ATM: variants seen among roughly 807,000 people sequenced by gnomAD.
The protein encoded by ATM is ATM serine/threonine kinase.
Under a neutral mutation model 387.0 loss-of-function variants are expected in ATM, and 308 were observed. That is an observed-to-expected ratio of 0.80 (90% CI 0.73 to 0.87). The LOEUF (loss-of-function observed/expected upper bound fraction) is 0.87. Ranked by LOEUF, ATM falls within the 40% of genes least tolerant of loss-of-function variation. The pLI is 0.00. For missense variants in ATM, 3,312 were observed against 3,560.9 expected (o/e 0.93, Z 1.78); for synonymous variants, 1,156 against 1,187.3 (o/e 0.97, Z 0.54).
chr11:108,291,071 T>C (rs1406316095), intron 29 of ATM, among the ~76,000 whole-genome samples: 1 of 151,734 alleles, frequency 6.6e-6, no homozygotes, highest in African/African-American at 2.4e-5. Context: ...CCGTGTCTAC[T>C]AAAAATACAA....
intron 35 of ATM, 78 bp from the exon 36 acceptor site, chr11:108,302,775 G>A (rs2135924970): frequency 7.5e-7 from 1 of 1,341,472 alleles, no homozygotes; most frequent in Non-Finnish European, 1.1e-6. Context: ...AGAAAGATTT[G>A]TTATACTCAT....
rs184822743 is a variant in ATM at position 108,274,540 on chromosome 11, C to G, written c.3284+1688C>G. 1.6e-3 allele frequency among the ~76,000 whole-genome samples: 239 copies of G among 152,270 alleles called. 1 individual carries two copies. The highest frequency in any genetic ancestry group is 6.3e-3 in the Admixed American group (96 of 15,292). On this transcript the variant is annotated intron_variant, in intron 22 of 62. Transcript: ENST00000675843. ...AATTTCCCTCTAAACACTGCTTTAG[C>G]TGTGTCCCAGAGATTCTGGTACATT...
chr11:108,286,948 T>G (rs181798689), intron 26 of ATM, among the ~76,000 whole-genome samples: 41 of 152,338 alleles, frequency 2.7e-4, no homozygotes, highest in Admixed American at 1.4e-3. Context: ...AAGTGCAACA[T>G]AGCAGACTTA....
chr11:108,271,053 T>C lies in ATM; in HGVS notation c.2839-11T>C, dbSNP rs1429589119. 3 of 1,610,782 alleles carry C rather than the reference T, an allele frequency of 1.9e-6. No homozygotes were observed. The highest frequency in any genetic ancestry group is 2.2e-5 in the East Asian group (1 of 44,870). ...GGATAAACCTGATTTTTTTCCCTCC[T>C]ACCATCTTAGTATCTAATGCTTTTA... is the stretch of plus-strand genomic sequence containing the variant. On this transcript the variant is annotated splice_polypyrimidine_tract_variant and intron_variant, in intron 18 of 62. Transcript: ENST00000675843.
chr11:108,277,731 A>G (rs2082023140), intron 22 of ATM, among the ~76,000 whole-genome samples: 1 of 152,098 alleles, frequency 6.6e-6, no homozygotes, highest in Non-Finnish European at 1.5e-5. Context: ...ACCAGTCCCA[A>G]TGAGATGAGC....
In ATM at chr11:108,346,052, T is replaced by C. The variant is rs572495310; in HGVS notation, c.8584+144T>C. 7 of 870,892 alleles carry C rather than the reference T, an allele frequency of 8.0e-6. No homozygotes were observed. The East Asian group carries it at 1.8e-4, about 22-fold the overall frequency. The allele number at this position is 870,892 out of a possible 1,614,324, so 53.9% of individuals were successfully genotyped here. A position where few individuals can be genotyped will look rare whatever the true frequency, so the allele number is the denominator to read the frequency against. ...TTAGTAACCAACCCATCTTCATTAT[T>C]AAATCATATGTTTCTTGTTCATCCT... On this transcript the variant is annotated intron_variant, in intron 58 of 62. Coordinates refer to ENST00000675843, the MANE Select transcript of ATM (RefSeq NM_000051.4).
chr11:108,326,324 G>A, intron 47 of ATM, 99 bp downstream of exon 47: 1 of 1,414,086 alleles, frequency 7.1e-7, no homozygotes, highest in Non-Finnish European at 9.6e-7. Context: ...TTAGAGCCTT[G>A]AAATTAGTAA....
intron 22 of ATM, among the ~76,000 whole-genome samples, chr11:108,278,192 A>C (rs1163018450): frequency 6.6e-6 from 1 of 152,252 alleles, no homozygotes; most frequent in Non-Finnish European, 1.5e-5. Context: ...GAATATGCCG[A>C]CAGTAATGTT....
At position 108,271,133 on chromosome 11, in the gene ATM, C is replaced by T. The variant is rs1060504260; in HGVS notation, c.2908C>T (p.Leu970=). The T allele has an allele frequency of 7.4e-6, 12 of 1,613,946 alleles. No homozygotes were observed. The highest frequency in any genetic ancestry group is 6.8e-6 in the Non-Finnish European group (8 of 1,180,004). The change falls in exon 19 of 63, where the codon CTG becomes TTG. Residue 970 remains leucine, a synonymous_variant. Transcript: ENST00000675843. ...GCCAATGGAAGATGTTCTTGAACTT[C>T]TGAAACCACTATCGTAAGAAATTAA... The part of the protein sequence containing the change: ...PLPMEDVLEL[L]KPLSNVCSLY...
In ATM at chr11:108,330,434, C is replaced by CA; in HGVS notation, c.7515+14dup. 1 of 1,613,276 alleles carries CA rather than the reference C, an allele frequency of 6.2e-7. No homozygotes were observed. Among genetic ancestry groups the CA allele is most frequent in the South Asian group, 1.1e-5 (1 of 91,000 alleles). The stretch of plus-strand genomic sequence containing the variant: ...TGGCATGATGAAGGCAAGTGTTACT[C>CA]AGCCCAATATTCTACCCTGTGCTTG... On this transcript the variant is annotated intron_variant, in intron 50 of 62. Transcript: ENST00000675843.
In ATM at chr11:108,227,807, G is replaced by A. The variant is rs876659324; in HGVS notation, c.104G>A (p.Arg35Gln). The change falls in exon 3 of 63, where the codon CGA becomes CAA. Residue 35 changes from arginine (R) to glutamine (Q), a missense_variant. Transcript: ENST00000675843. ...KEVEKFKRLIRDPETIKHLDR... is the reference protein window; with the variant it reads ...KEVEKFKRLIQDPETIKHLDR... ...GTTGAGAAATTTAAGCGCCTGATTC[G>A]AGATCCTGAAACAATTAAACATCTA... is the stretch of plus-strand genomic sequence containing the variant. The A allele has an allele frequency of 1.9e-6, 3 of 1,613,354 alleles. No homozygotes were observed. Among genetic ancestry groups the A allele is most frequent in the Admixed American group, 1.7e-5 (1 of 59,964 alleles).
In ATM at chr11:108,299,837, G is replaced by A. The variant is rs2135891669; in HGVS notation, c.5129G>A (p.Trp1710Ter). The A allele has an allele frequency of 6.2e-7, 1 of 1,613,836 alleles. No individual in the cohort carries two copies. Among genetic ancestry groups the A allele is most frequent in the Non-Finnish European group, 8.5e-7 (1 of 1,179,902 alleles). ...LKLFEDKELQ[W>*]TFIMLTYLNN... ...TTATTTGAAGATAAAGAACTTCAGT[G>A]GACCTTCATAATGCTGACCTACCTG... Residue 1710 changes from tryptophan (W) to a stop codon, truncating the protein, a stop_gained, in exon 34 of 63, where the codon TGG (tryptophan) becomes TAG (stop). Coordinates refer to ENST00000675843, the MANE Select transcript of ATM (RefSeq NM_000051.4). LOFTEE classifies it high-confidence loss of function.
At position 108,258,967 on chromosome 11, in the gene ATM, T is replaced by G. The variant is rs775771700; in HGVS notation, c.2377-19T>G. ...TTTTATTTCTTTGTTGCTTGGTTCT[T>G]TGTTTGTCTTAATTGCAGAAGAGTC... On this transcript the variant is annotated intron_variant, in intron 15 of 62. Transcript: ENST00000675843. 2.5e-6 allele frequency: 4 copies of G among 1,595,110 alleles called. No individual in the cohort carries two copies. The highest frequency in any genetic ancestry group is 3.4e-6 in the Non-Finnish European group (4 of 1,163,172).
intron 53 of ATM, 63 bp downstream of exon 53, chr11:108,332,963 T>G (rs2086443570): frequency 6.4e-7 from 1 of 1,558,552 alleles, no homozygotes; most frequent in Non-Finnish European, 8.8e-7. Context: ...AGAGATATAT[T>G]AGTTATAGAG....
At chr11:108,276,761 C>T (rs1464811991) in intron 22 of ATM, among the ~76,000 whole-genome samples, 3 of 152,150 alleles carry the variant, frequency 2.0e-5, no homozygotes, top group African/African-American at 7.2e-5. Context: ...CGGCACCCGC[C>T]AGATGGCAGC....
intron 38 of ATM, among the ~76,000 whole-genome samples, chr11:108,309,372 G>A (rs1184941961): frequency 1.3e-5 from 2 of 152,182 alleles, no homozygotes; most frequent in African/African-American, 2.4e-5. Flanking sequence ...GTAGTAGGGT[G>A]TGCCTTATTC....
chr11:108,254,518 A>G (rs963160048), intron 13 of ATM, among the ~76,000 whole-genome samples: 1 of 152,204 alleles, frequency 6.6e-6, no homozygotes, highest in African/African-American at 2.4e-5. Context: ...AGTTCTCTTC[A>G]TGTATACTAT....
chr11:108,266,552 G>A (rs2081254924), intron 16 of ATM, among the ~76,000 whole-genome samples: 1 of 150,960 alleles, frequency 6.6e-6, no homozygotes, highest in South Asian at 2.1e-4. Flanking sequence ...GAGTTAGTGG[G>A]TGCAGCACAC....
At chr11:108,288,501 C>CTTTTTT (rs35604622) in intron 27 of ATM, among the ~76,000 whole-genome samples, 9 of 126,696 alleles carry the variant, frequency 7.1e-5, no homozygotes, top group Non-Finnish European at 8.2e-5. Flanking sequence ...ATATGCTTTA[C>CTTTTTT]TTTTTTTTTT....
Sources: gnomAD v4.1 joint callset for allele counts (sites outside exome capture counted in the v4.1 genomes callset) on GRCh38, gnomAD v4.1.1 for gene constraint, MANE v1.5 for transcripts, NCBI Gene and HGNC (gene_info 2026-07-23, HGNC 2026-07-21) for gene names.